Variants in AFF1 observed in about 807,000 individuals in gnomAD.
AFF1 encodes AF4/FMR2 family member 1.
Under a neutral mutation model 121.7 loss-of-function variants are expected in AFF1, and 48 were observed. That is an observed-to-expected ratio of 0.39 (90% CI 0.31 to 0.50). AFF1 has a LOEUF of 0.50. AFF1 is among the 20% of genes least tolerant of loss of function. AFF1 has a pLI of 0.76. For missense variants in AFF1, 1,523 were observed against 1,511.7 expected (o/e 1.01, Z -0.12); for synonymous variants, 613 against 563.0 (o/e 1.09, Z -1.26).
At chr4:86,948,040 GTC>G (rs1471902206) in intron 1 of AFF1, among the ~76,000 whole-genome samples, 1 of 149,478 alleles carries the variant, frequency 6.7e-6, no homozygotes, top group African/African-American at 2.4e-5. Context: ...TTAAAACTAA[GTC>G]TACATTTCTT....
At chr4:87,068,819 G>A (rs1198974350) in intron 4 of AFF1, among the ~76,000 whole-genome samples, 4 of 152,162 alleles carry the variant, frequency 2.6e-5, no homozygotes, top group African/African-American at 7.2e-5. Flanking sequence ...CATTGCAGCC[G>A]CCAGCACACG....
intron 2 of AFF1, among the ~76,000 whole-genome samples, chr4:87,001,551 G>C (rs1725729820): frequency 6.6e-6 from 1 of 152,158 alleles, no homozygotes; most frequent in Admixed American, 6.5e-5. Flanking sequence ...AAACCAAGTG[G>C]GAAGTGAGAG....
In AFF1 at chr4:87,131,106, T is replaced by TAAA; in HGVS notation, c.2990_2991insAAA (p.Lys997dup). The stretch of plus-strand genomic sequence containing the variant: ...AGACGGACAGGGTTGGAAAGGCTTT[T>TAAA]AAGTACCTGGAAGCCGTCTTGTCCT... On this transcript the variant is annotated inframe_insertion, in exon 17 of 21. Transcript: ENST00000395146. 3 of 1,614,206 alleles carry TAAA rather than the reference T, an allele frequency of 1.9e-6. No homozygotes were observed. Among genetic ancestry groups the TAAA allele is most frequent in the Non-Finnish European group, 2.5e-6 (3 of 1,180,024 alleles).
chr4:86,999,859 A>G (rs1048011066), intron 2 of AFF1, among the ~76,000 whole-genome samples: 1 of 152,194 alleles, frequency 6.6e-6, no homozygotes, highest in Non-Finnish European at 1.5e-5. Context: ...ACTGGGTGGT[A>G]GCGTTTACAG....
intron 2 of AFF1, among the ~76,000 whole-genome samples, chr4:86,987,170 G>A (rs1374569997): frequency 1.3e-5 from 2 of 152,116 alleles, no homozygotes; most frequent in Non-Finnish European, 2.9e-5. Flanking sequence ...ATAAGGAAGA[G>A]GACTAAATGT....
intron 4 of AFF1, among the ~76,000 whole-genome samples, chr4:87,074,305 T>TA (rs111573847): frequency 1.4e-3 from 202 of 146,344 alleles, no homozygotes; most frequent in African/African-American, 2.7e-3. Context: ...GTGATGCCTT[T>TA]AAAAAAAAAA....
chr4:87,036,837 T>TCCC (rs757984901), intron 2 of AFF1: 870 of 474,468 alleles, frequency 1.8e-3, no homozygotes, highest in African/African-American at 4.1e-3. Context: ...CCCTCCCCCA[T>TCCC]CCCCCCTTTT....
intron 4 of AFF1, among the ~76,000 whole-genome samples, chr4:87,051,310 G>C (rs540948938): frequency 3.3e-5 from 5 of 152,206 alleles, no homozygotes; most frequent in Non-Finnish European, 5.9e-5. Flanking sequence ...TTGTCACCCA[G>C]ACCGAACCTA....
At chr4:86,973,875 A>G (rs1723112511) in intron 2 of AFF1, 1 of 152,114 alleles carries the variant, frequency 6.6e-6, no homozygotes, top group Non-Finnish European at 1.5e-5. Context: ...AAAATCTGAT[A>G]GATCAAAGAT....
In AFF1 at chr4:87,053,211, G is replaced by C. The variant is rs1731442958; in HGVS notation, c.1059+5617G>C. ...CCAGATCAGTCTGGCTTTGAGTCCTGATTGTGACTGATTTCTGCAAAGCAA... is the reference window on the plus strand; with the variant it reads ...CCAGATCAGTCTGGCTTTGAGTCCTCATTGTGACTGATTTCTGCAAAGCAA... On this transcript the variant is annotated intron_variant, in intron 4 of 20. Transcript: ENST00000395146. Among the ~76,000 whole-genome samples the C allele has an allele frequency of 3.9e-5, 6 of 152,306 alleles. No homozygotes were observed. The South Asian group carries it at 1.2e-3, about 32-fold the overall frequency.
chr4:87,037,672 A>G (rs1729705468), intron 2 of AFF1, among the ~76,000 whole-genome samples: 1 of 152,154 alleles, frequency 6.6e-6, no homozygotes. Context: ...ATTAATAGGC[A>G]TACAGAAGTA....
At chr4:87,088,310 C>T (rs1361131067) in intron 5 of AFF1, among the ~76,000 whole-genome samples, 2 of 152,174 alleles carry the variant, frequency 1.3e-5, no homozygotes, top group Admixed American at 6.5e-5. Context: ...TTAAGAAAGC[C>T]GGCATCACTT....
chr4:86,986,154 C>T (rs1375793996), intron 2 of AFF1, among the ~76,000 whole-genome samples: 1 of 151,882 alleles, frequency 6.6e-6, no homozygotes, highest in African/African-American at 2.4e-5. Context: ...CTCACTGCAA[C>T]CTCCACCTCC....
At position 87,073,502 on chromosome 4, in the gene AFF1, G is replaced by GT. The variant is rs559110546; in HGVS notation, c.1060-10610dup. On this transcript the variant is annotated intron_variant, in intron 4 of 20. Transcript: ENST00000395146. ...ATAATTTTCTGTCCTTTTTTCCCCC[G>GT]TTTTTTTTGTGTTTTGTTTTTAAAT... 4.1e-3 allele frequency among the ~76,000 whole-genome samples: 614 copies of GT among 151,296 alleles called. 7 individuals carry two copies. Among genetic ancestry groups the GT allele is most frequent in the African/African-American group, 7.3e-3 (301 of 41,166 alleles).
At chr4:87,080,153 T>G (rs1440317863) in intron 4 of AFF1, among the ~76,000 whole-genome samples, 2 of 152,120 alleles carry the variant, frequency 1.3e-5, no homozygotes, top group African/African-American at 4.8e-5. Context: ...GTGAGATGGC[T>G]CTAGATAGGC....
In AFF1 at chr4:87,135,612, A is replaced by C. The variant is rs771482151; in HGVS notation, c.3568A>C (p.Thr1190Pro). The part of the protein sequence containing the change: ...FFARLSTNVC[T>P]LALNSSLVDL... Reference sequence around the variant, plus strand: ...TGCTCGGCTCAGCACAAATGTGTGCACCTTGGCCCTCAACAGCAGTTTGGT... The same window carrying C: ...TGCTCGGCTCAGCACAAATGTGTGCCCCTTGGCCCTCAACAGCAGTTTGGT... The change falls in exon 21 of 21, where the codon ACC (threonine) becomes CCC (proline). Residue 1190 changes from threonine to proline, a missense_variant. Physicochemically the swap from Thr to Pro is conservative, Grantham distance 38. This residue lies in a region of AFF1 where 241 missense variants were observed against 265.2 expected (regional missense o/e 0.91). Transcript: ENST00000395146. The C allele has an allele frequency of 1.2e-6, 2 of 1,609,088 alleles. No individual in the cohort carries two copies. The highest frequency in any genetic ancestry group is 2.7e-5 in the African/African-American group (2 of 74,822).
At chr4:87,076,540 TTGGTTTTGC>T (rs1238552306) in intron 4 of AFF1, among the ~76,000 whole-genome samples, 1 of 152,256 alleles carries the variant, frequency 6.6e-6, no homozygotes, top group Non-Finnish European at 1.5e-5. Context: ...ACAGTTAAAG[TTGGTTTTGC>T]AACTTAATGT....
intron 3 of AFF1, 107 bp downstream of exon 3, chr4:87,046,393 AATAAG>A: frequency 6.4e-6 from 9 of 1,399,122 alleles, no homozygotes; most frequent in Non-Finnish European, 6.8e-6. Flanking sequence ...CAGCTGTGAA[AATAAG>A]ATAACTTATT....
rs779894997 is a variant in AFF1 at position 87,095,016 on chromosome 4, G to A, written c.1283+47G>A. ...TATTAAAATTTTGTAGTATGAAATTGTAATGTCTCATGTCAATGCATTGCT... is the reference window on the plus strand; with the variant it reads ...TATTAAAATTTTGTAGTATGAAATTATAATGTCTCATGTCAATGCATTGCT... On this transcript the variant is annotated intron_variant, in intron 8 of 20. Coordinates refer to ENST00000395146, the MANE Select transcript of AFF1 (RefSeq NM_001166693.3). 9 of 1,541,294 alleles carry A rather than the reference G, an allele frequency of 5.8e-6. No individual in the cohort carries two copies. The South Asian group carries it at 1.0e-4, about 17-fold the overall frequency.
Sources: allele counts gnomAD v4.1 joint callset (sites outside exome capture counted in the v4.1 genomes callset), GRCh38; gene constraint gnomAD v4.1.1; regional missense constraint gnomAD v4.1.1; transcripts MANE v1.5; gene names NCBI Gene and HGNC (gene_info 2026-07-23, HGNC 2026-07-21).